The following ZNF76 variants were observed in gnomAD, a reference collection of about 807,000 sequenced individuals.
The protein encoded by ZNF76 is zinc finger protein 76.
In ZNF76, 66 loss-of-function variants were observed where a neutral mutation model predicts 66.9. The ratio of observed to expected loss-of-function variants is 0.99; its 90% CI spans 0.81 to 1.21. The LOEUF (loss-of-function observed/expected upper bound fraction) is 1.21. Ranked by LOEUF, ZNF76 falls within the 50% of genes most tolerant of loss-of-function variation. The pLI is 0.00. For synonymous variants in ZNF76, 275 were observed against 296.1 expected (o/e 0.93, Z 0.73); for missense variants, 729 against 760.3 (o/e 0.96, Z 0.48).
At chr6:35,288,888 C>T (rs2150370961) in intron 5 of ZNF76, among the ~76,000 whole-genome samples, 1 of 146,616 alleles carries the variant, frequency 6.8e-6, no homozygotes, top group Admixed American at 7.0e-5. Context: ...GAGGCGGTGA[C>T]TGCAATGAGC....
chr6:35,285,001 G>A (rs374214091), intron 2 of ZNF76, among the ~76,000 whole-genome samples: 198 of 152,324 alleles, frequency 1.3e-3, no homozygotes, highest in South Asian at 0.012. Context: ...ATGAGCCACC[G>A]AATCTGACCA....
chr6:35,260,517 T>A (rs1048533949), intron 1 of ZNF76, among the ~76,000 whole-genome samples: 2 of 152,298 alleles, frequency 1.3e-5, no homozygotes, highest in Non-Finnish European at 1.5e-5. Context: ...AGCCCTTCAG[T>A]GTCAATCAGC....
At position 35,287,300 on chromosome 6, in the gene ZNF76, G is replaced by A. The variant is rs969543782; in HGVS notation, c.233-346G>A. Among the ~76,000 whole-genome samples the A allele has an allele frequency of 3.9e-5, 6 of 152,140 alleles. No homozygotes were observed. The highest frequency in any genetic ancestry group is 1.2e-4 in the African/African-American group (5 of 41,420). The stretch of plus-strand genomic sequence containing the variant: ...AGTGACATGGTCACATTTGTGTCCC[G>A]CAAAGATCCCTCTGGATGTTGTGCT... On this transcript the variant is annotated intron_variant, in intron 4 of 13. Transcript: ENST00000373953. The surrounding 1 kb of genome is among the most constrained non-coding windows in gnomAD (Gnocchi z 4.0).
Position 35,295,358 on chromosome 6 carries a change from G to T in ZNF76, c.*110G>T, listed in dbSNP as rs1035436439. ...TGACACATAGAAGGTGGCCACATAG[G>T]TCTCTGGGGTGAGAAGACAGCAAGA... On this transcript the variant is annotated 3_prime_UTR_variant, in exon 14 of 14. Coordinates refer to ENST00000373953, the MANE Select transcript of ZNF76 (RefSeq NM_003427.5). 5.4e-6 allele frequency: 5 copies of T among 921,570 alleles called. No homozygotes were observed. The highest frequency in any genetic ancestry group is 8.5e-6 in the Non-Finnish European group (5 of 586,068). The allele number at this position is 921,570 out of a possible 1,614,324, so 57.1% of individuals were successfully genotyped here.
At chr6:35,283,124 C>T (rs1008707610) in intron 2 of ZNF76, among the ~76,000 whole-genome samples, 4 of 152,146 alleles carry the variant, frequency 2.6e-5, no homozygotes, top group African/African-American at 9.6e-5. Context: ...GAATAAAAAG[C>T]AAGTGACCAC....
At chr6:35,280,463 A>C (rs1273062033) in intron 1 of ZNF76, among the ~76,000 whole-genome samples, 3 of 151,498 alleles carry the variant, frequency 2.0e-5, no homozygotes, top group African/African-American at 4.9e-5. Context: ...AAGGTGAGAC[A>C]TGCCTGAAAT....
At chr6:35,294,044 T>C in intron 12 of ZNF76, 129 bp downstream of exon 12, 1 of 1,096,006 alleles carries the variant, frequency 9.1e-7, no homozygotes, top group Non-Finnish European at 1.3e-6. Context: ...AGAAGGGGTC[T>C]TCCCCACAGT....
At position 35,295,704 on chromosome 6, in the gene ZNF76, T is replaced by C; in HGVS notation, c.*456T>C. 1 of 204,976 alleles carries C rather than the reference T, an allele frequency of 4.9e-6. No homozygotes were observed. Among genetic ancestry groups the C allele is most frequent in the Non-Finnish European group, 1.0e-5 (1 of 96,586 alleles). The allele number at this position is 204,976 out of a possible 1,614,324, so 12.7% of individuals were successfully genotyped here. On this transcript the variant is annotated 3_prime_UTR_variant, in exon 14 of 14. Transcript: ENST00000373953. ...AATAACCACCTCCCTGGAGGCCAGCTGAGATGCCTGGCTACTTGGCACCAG... is the reference window on the plus strand; with the variant it reads ...AATAACCACCTCCCTGGAGGCCAGCCGAGATGCCTGGCTACTTGGCACCAG...
At chr6:35,284,068 T>A (rs945916085) in intron 2 of ZNF76, among the ~76,000 whole-genome samples, 1 of 152,128 alleles carries the variant, frequency 6.6e-6, no homozygotes, top group African/African-American at 2.4e-5. Context: ...ACAAATCACT[T>A]GTCATTAACT....
intron 2 of ZNF76, among the ~76,000 whole-genome samples, chr6:35,283,718 T>G (rs1789117584): frequency 6.6e-6 from 1 of 152,228 alleles, no homozygotes; most frequent in Admixed American, 6.5e-5. Context: ...CTGCTGGCCG[T>G]AGCTTGCTGA....
chr6:35,278,420 T>C (rs562184059), intron 1 of ZNF76, among the ~76,000 whole-genome samples: 1 of 152,226 alleles, frequency 6.6e-6, no homozygotes, highest in East Asian at 1.9e-4. Flanking sequence ...TTTGCCAAGA[T>C]ATTGATCCGC....
chr6:35,290,440 C>T (rs146571492), intron 6 of ZNF76, 58 bp downstream of exon 6: 774 of 1,599,848 alleles, frequency 4.8e-4, no homozygotes, highest in African/African-American at 3.8e-3. Flanking sequence ...GGCTGTAATT[C>T]TACCTTTCTG....
At position 35,286,223 on chromosome 6, in the gene ZNF76, ACACACCAT is replaced by A. The variant is rs768445859; in HGVS notation, c.154+16_154+23del. On this transcript the variant is annotated intron_variant, in intron 3 of 13. Transcript: ENST00000373953. The stretch of plus-strand genomic sequence containing the variant: ...GGTACAGAAAGGTGAGGGCACCCCA[ACACACCAT>A]GCCTTGTCGAGGGAAGCCTGACAGC... 3.7e-5 allele frequency: 60 copies of A among 1,613,956 alleles called. No individual in the cohort carries two copies. Among genetic ancestry groups the A allele is most frequent in the Non-Finnish European group, 4.9e-5 (58 of 1,179,960 alleles).
chr6:35,272,590 C>T (rs1427573376), intron 1 of ZNF76, among the ~76,000 whole-genome samples: 1 of 152,088 alleles, frequency 6.6e-6, no homozygotes, highest in East Asian at 1.9e-4. Context: ...TAAGGCAGTT[C>T]TCCACCTTGG....
intron 1 of ZNF76, among the ~76,000 whole-genome samples, chr6:35,276,203 T>C (rs141585837): frequency 2.0e-3 from 300 of 152,272 alleles, no homozygotes; most frequent in African/African-American, 6.9e-3. Context: ...GTGATAAAAA[T>C]AAATATTAGC....
chr6:35,267,525 G>A (rs1786330752), intron 1 of ZNF76, among the ~76,000 whole-genome samples: 1 of 152,236 alleles, frequency 6.6e-6, no homozygotes, highest in Non-Finnish European at 1.5e-5. Flanking sequence ...AAACTGCTGA[G>A]TTCTACACCA....
chr6:35,292,633 G>T lies in ZNF76; in HGVS notation c.1011G>T (p.Val337=). 1 of 1,614,040 alleles carries T rather than the reference G, an allele frequency of 6.2e-7. No homozygotes were observed. The highest frequency in any genetic ancestry group is 1.1e-5 in the South Asian group (1 of 91,082). The change falls in exon 10 of 14, where the codon GTG becomes GTT. Residue 337 remains valine (V), a synonymous_variant. Coordinates refer to ENST00000373953, the MANE Select transcript of ZNF76 (RefSeq NM_003427.5). The surrounding 1 kb of genome is among the most constrained non-coding windows in gnomAD (Gnocchi z 4.7). ...ACTCGAGCTTGTATAAGCACCACGT[G>T]GTGCACACACACTGCAAGCCCTACA... is the stretch of plus-strand genomic sequence containing the variant. ...TEYSSLYKHH[V]VHTHCKPYTC... is the part of the protein sequence containing the mutation.
rs1284323079 is a variant in ZNF76 at position 35,281,191 on chromosome 6, G to A, written c.40G>A (p.Gly14Arg). Residue 14 changes from glycine (G) to arginine (R), a missense_variant, in exon 2 of 14, where the codon GGG becomes AGG. Physicochemically the swap from Gly to Arg is moderately radical, Grantham distance 125. Coordinates refer to ENST00000373953, the MANE Select transcript of ZNF76 (RefSeq NM_003427.5). ...LGLHTVTLSD[G>R]TTAYVQQAVK... ...GCTGCACACGGTGACCCTTAGTGAT[G>A]GGACAACAGCCTACGTCCAGCAAGC... 1 of 1,613,796 alleles carries A rather than the reference G, an allele frequency of 6.2e-7. No individual in the cohort carries two copies. The highest frequency in any genetic ancestry group is 8.5e-7 in the Non-Finnish European group (1 of 1,180,028).
At chr6:35,267,859 A>G (rs902895621) in intron 1 of ZNF76, among the ~76,000 whole-genome samples, 23 of 152,206 alleles carry the variant, frequency 1.5e-4, no homozygotes, top group African/African-American at 4.6e-4. Context: ...GGACTAGGGA[A>G]GAGTTGGGAG....
Sources: gnomAD v4.1 joint callset for allele counts (sites outside exome capture counted in the v4.1 genomes callset) on GRCh38, gnomAD v4.1.1 for gene constraint, Gnocchi (gnomAD v3.1) non-coding constraint, MANE v1.5 for transcripts, NCBI Gene and HGNC (gene_info 2026-07-23, HGNC 2026-07-21) for gene names.